Variants in TPRA1 observed in about 807,000 individuals in gnomAD.
The protein encoded by TPRA1 is transmembrane protein adipocyte-associated 1.
Under a neutral mutation model 40.1 loss-of-function variants are expected in TPRA1, and 28 were observed. That is an observed-to-expected ratio of 0.70 (90% confidence interval 0.52 to 0.96). The LOEUF (loss-of-function observed/expected upper bound fraction) is 0.96. Ranked by LOEUF, TPRA1 falls within the 40% of genes least tolerant of loss-of-function variation. The probability of loss-of-function intolerance (pLI) is 0.00; values close to 1 mark genes in which losing one functional copy is unlikely to be tolerated. For missense variants in TPRA1, 441 were observed against 482.6 expected, an observed-to-expected ratio of 0.91 and a Z score of 0.81; for synonymous variants, 219 against 209.7, an observed-to-expected ratio of 1.04 and a Z score of -0.38.
At chr3:127,584,707 C>T (rs538312991) in intron 1 of TPRA1, among the ~76,000 whole-genome samples, 1 of 152,098 alleles carries the variant, frequency 6.6e-6, no homozygotes, top group South Asian at 2.1e-4. Context: ...CAACTGGACA[C>T]GAGCTGAGAC....
chr3:127,592,367 GTTTTTTTTTTT>G (rs746017013), upstream of TPRA1, among the ~76,000 whole-genome samples: 8 of 88,506 alleles, frequency 9.0e-5, no homozygotes, highest in East Asian at 1.1e-3. Context: ...GCAACATGCT[GTTTTTTTTTTT>G]TTTTTTTTTT....
rs2073445967 is a variant in TPRA1, at chr3:127,573,536, C to T, written c.1107G>A (p.Lys369=). 2 of 1,612,130 alleles carry T rather than the reference C, an allele frequency of 1.2e-6. No individual in the cohort carries two copies. The highest frequency in any genetic ancestry group is 1.7e-6 in the Non-Finnish European group (2 of 1,179,422). The change falls in exon 11 of 11, where the codon AAG becomes AAA. Residue 369 remains lysine (K), a synonymous_variant. Coordinates refer to ENST00000355552, the MANE Select transcript of TPRA1 (RefSeq NM_001136053.4). ...GCAGCTGCCCTCAGGCATTGATGGC[C>T]TTCCAGCGCTCGCTGTCTGTGCTGT... ...SINSTDSERW[K]AINA is the part of the protein sequence containing the mutation.
chr3:127,588,729 C>T (rs2074077674), intron 1 of TPRA1, among the ~76,000 whole-genome samples: 1 of 152,204 alleles, frequency 6.6e-6, no homozygotes, highest in Non-Finnish European at 1.5e-5. Flanking sequence ...CCCGCACTGA[C>T]TTTTAGTTAA....
At position 127,585,730 on chromosome 3, in the gene TPRA1, T is replaced by C. The variant is rs557790022; in HGVS notation, c.-18+4680A>G. Among the ~76,000 whole-genome samples, 3 of 152,202 alleles carry C rather than the reference T, an allele frequency of 2.0e-5. No homozygotes were observed. The South Asian group carries it at 6.2e-4, about 31-fold the overall frequency. On this transcript the variant is annotated intron_variant, in intron 1 of 10. Coordinates refer to ENST00000355552, the MANE Select transcript of TPRA1 (RefSeq NM_001136053.4). ...GAGGCCAACACTGACCACCAGACAC[T>C]GTCCCCTTCTTCCTCACTAACAAGC...
chr3:127,578,627 A>C (rs921466845), intron 3 of TPRA1, among the ~76,000 whole-genome samples: 1 of 152,232 alleles, frequency 6.6e-6, no homozygotes, highest in African/African-American at 2.4e-5. Flanking sequence ...ATAAATGGTG[A>C]GAGAAGCAGT....
chr3:127,574,949 C>T, intron 10 of TPRA1: 1 of 575,782 alleles, frequency 1.7e-6, no homozygotes, highest in Non-Finnish European at 3.1e-6. Context: ...TGTGTGCATG[C>T]TTGTGCATCC....
chr3:127,574,940 G>C (rs1346169501), intron 10 of TPRA1: 1 of 564,244 alleles, frequency 1.8e-6, no homozygotes, highest in African/African-American at 1.9e-5. Flanking sequence ...GCATGTGCAT[G>C]TGTGCATGCT....
At chr3:127,574,712 C>T (rs1576363766) in intron 10 of TPRA1, among the ~76,000 whole-genome samples, 1 of 152,348 alleles carries the variant, frequency 6.6e-6, no homozygotes, top group Non-Finnish European at 1.5e-5. Flanking sequence ...CAATGTAGAA[C>T]ACCGTGCATA....
Position 127,572,840 on chromosome 3 carries a change from C to T in TPRA1, c.*681G>A, listed in dbSNP as rs1181905441. 1.3e-5 allele frequency among the ~76,000 whole-genome samples: 2 copies of T among 152,172 alleles called. No homozygotes were observed. The highest frequency in any genetic ancestry group is 2.9e-5 in the Non-Finnish European group (2 of 68,036). On this transcript the variant is annotated 3_prime_UTR_variant, in exon 11 of 11. Coordinates refer to ENST00000355552, the MANE Select transcript of TPRA1 (RefSeq NM_001136053.4). ...GGCTGGCTCACAAAACATAGTTCTC[C>T]TCTCTCTCCATGTCTGTCCCCCCTA...
intron 1 of TPRA1, among the ~76,000 whole-genome samples, chr3:127,595,983 C>T (rs994933313): frequency 1.3e-5 from 2 of 152,186 alleles, no homozygotes; most frequent in African/African-American, 4.8e-5. Context: ...CTTGAAAGAC[C>T]TTGAAGAAGA....
chr3:127,581,651 G>A (rs1421343672), intron 1 of TPRA1, among the ~76,000 whole-genome samples: 2 of 151,978 alleles, frequency 1.3e-5, no homozygotes, highest in African/African-American at 4.8e-5. Context: ...GGTGGCTCAT[G>A]CCTGTAATCC....
At chr3:127,577,516 C>G (rs1417459081) in intron 3 of TPRA1, among the ~76,000 whole-genome samples, 2 of 152,178 alleles carry the variant, frequency 1.3e-5, no homozygotes, top group Non-Finnish European at 2.9e-5. Context: ...GCAGCAGAAG[C>G]CTGCCTGGCA....
intron 1 of TPRA1, 86 bp from the exon 2 acceptor site, chr3:127,580,249 C>A (rs1287376507): frequency 2.7e-5 from 40 of 1,472,902 alleles, no homozygotes; most frequent in Non-Finnish European, 3.5e-5. Context: ...AGGGGAAAAT[C>A]AGAGGGGCTG....
rs1443911621 is a variant in TPRA1, at chr3:127,577,021, C to A, written c.314G>T (p.Ser105Ile). 1 of 1,613,818 alleles carries A rather than the reference C, an allele frequency of 6.2e-7. No homozygotes were observed. Among genetic ancestry groups the A allele is most frequent in the Admixed American group, 1.7e-5 (1 of 60,032 alleles). ...AGCAACAGTTGCAGCGTTCGAGGTG[C>A]TCACCGTCATGGATACCACGGCCCG... ...IARAVVSMTV[S>I]TSNAATVADK... The change falls in exon 4 of 11, where the codon AGC becomes ATC. Residue 105 changes from serine to isoleucine, a missense_variant. Transcript: ENST00000355552.
chr3:127,590,816 T>TGGGGG (rs144289662), upstream of TPRA1: 2 of 139,190 alleles, frequency 1.4e-5, no homozygotes, highest in African/African-American at 5.2e-5. Flanking sequence ...AAGTCATCAC[T>TGGGGG]GGGGGAAAAA....
Position 127,580,037 on chromosome 3 carries a change from T to G in TPRA1, c.110A>C (p.Asp37Ala), listed in dbSNP as rs774840504. 70 of 1,613,610 alleles carry G rather than the reference T, an allele frequency of 4.3e-5. No homozygotes were observed. Among genetic ancestry groups the G allele is most frequent in the Non-Finnish European group, 5.8e-5 (69 of 1,180,020 alleles). Residue 37 changes from aspartate to alanine, a missense_variant, in exon 2 of 11, where the codon GAC becomes GCC. By Grantham distance (126) the Asp-to-Ala change is moderately radical. Transcript: ENST00000355552. Reference protein sequence around the residue: ...PHRCLLLLYEDIGTSRVRYWD... With the variant: ...PHRCLLLLYEAIGTSRVRYWD... ...ACTGCCTCACCTGGAGGTGCCAATG[T>G]CTTCGTAGAGCAGCAGCAGGCAGCG...
chr3:127,575,586 C>A, intron 8 of TPRA1, 81 bp from the exon 9 acceptor site: 1 of 1,469,474 alleles, frequency 6.8e-7, no homozygotes, highest in Non-Finnish European at 9.2e-7. Flanking sequence ...ACCCTCAAGC[C>A]TGGTGTGTCC....
Position 127,573,558 on chromosome 3 carries a change from C to CTGT in TPRA1, c.1082_1084dup (p.Asn361dup). ...GGCCTTCCAGCGCTCGCTGTCTGTG[C>CTGT]TGTTGATGCTGCCAGTGTGGCAGGG... On this transcript the variant is annotated inframe_insertion, in exon 11 of 11. Coordinates refer to ENST00000355552, the MANE Select transcript of TPRA1 (RefSeq NM_001136053.4). 1 of 1,613,112 alleles carries CTGT rather than the reference C, an allele frequency of 6.2e-7. No homozygotes were observed. The highest frequency in any genetic ancestry group is 1.7e-5 in the Admixed American group (1 of 60,026).
chr3:127,584,630 C>G (rs1436432598), intron 1 of TPRA1, among the ~76,000 whole-genome samples: 2 of 152,070 alleles, frequency 1.3e-5, no homozygotes, highest in Non-Finnish European at 2.9e-5. Context: ...CACATCGCTT[C>G]CCAGCACAAT....
Sources: gnomAD v4.1 joint callset for allele counts (sites outside exome capture counted in the v4.1 genomes callset) on GRCh38, gnomAD v4.1.1 for gene constraint, MANE v1.5 for transcripts, NCBI Gene and HGNC (gene_info 2026-07-23, HGNC 2026-07-21) for gene names.